Variants in GPM6B observed in about 807,000 individuals in gnomAD.
GPM6B encodes the protein neuronal membrane glycoprotein M6-b.
Under a neutral mutation model 27.2 loss-of-function variants are expected in GPM6B, and 4 were observed. The observed-to-expected ratio is 0.15, with a 90% CI of 0.07 to 0.34. The LOEUF is 0.34. Ranked by LOEUF, GPM6B falls within the 10% of genes least tolerant of loss-of-function variation. GPM6B has a pLI of 1.00. For missense variants in GPM6B, 183 were observed against 261.9 expected (o/e 0.70, Z 2.08); for synonymous variants, 124 against 103.1 (o/e 1.20, Z -1.23).
At chrX:13,856,709 T>TA (rs1374557193) in intron 1 of GPM6B, among the ~76,000 whole-genome samples, 61 of 106,009 alleles carry the variant, frequency 5.8e-4, no homozygotes, top group East Asian at 4.4e-3. Flanking sequence ...TTTTTATTAT[T>TA]TTTTTTTTTT....
At chrX:13,849,933 C>T (rs2049695465) in intron 1 of GPM6B, among the ~76,000 whole-genome samples, 2 of 110,944 alleles carry the variant, frequency 1.8e-5, no homozygotes, top group African/African-American at 6.6e-5. Context: ...GTGGCACGCA[C>T]CTGTAGTCCC....
At chrX:13,773,137 T>A (rs1272021409) in intron 7 of GPM6B, 107 bp from the exon 8 acceptor site, 1 of 633,787 alleles carries the variant, frequency 1.6e-6, no homozygotes, top group Non-Finnish European at 2.4e-6. Flanking sequence ...AGGTTAATTC[T>A]GTATTAATAA....
intron 1 of GPM6B, among the ~76,000 whole-genome samples, chrX:13,871,120 A>AAAC (rs1473736776): frequency 2.2e-4 from 24 of 109,966 alleles, no homozygotes; most frequent in Non-Finnish European, 4.0e-4. Context: ...AAAACAAAAA[A>AAAC]AAAAGAAGTT....
chrX:13,790,667 G>A (rs929127667), intron 2 of GPM6B, among the ~76,000 whole-genome samples: 2 of 112,106 alleles, frequency 1.8e-5, no homozygotes, highest in African/African-American at 6.5e-5. Flanking sequence ...TGAATCAAAT[G>A]GCAAGTTCCA....
intron 1 of GPM6B, among the ~76,000 whole-genome samples, chrX:13,932,283 C>A (rs1310189188): frequency 9.0e-6 from 1 of 111,662 alleles, no homozygotes; most frequent in East Asian, 2.8e-4. Flanking sequence ...CTCTCCCAGA[C>A]ACCTGGACAC....
At chrX:13,852,358 A>C (rs1040153759) in intron 1 of GPM6B, among the ~76,000 whole-genome samples, 3 of 111,602 alleles carry the variant, frequency 2.7e-5, no homozygotes, top group Admixed American at 9.5e-5. Context: ...CACCTCAAGC[A>C]GACTGCCTCC....
At chrX:13,834,175 T>C (rs1168421206) in intron 1 of GPM6B, among the ~76,000 whole-genome samples, 1 of 112,801 alleles carries the variant, frequency 8.9e-6, no homozygotes, top group African/African-American at 3.2e-5. Flanking sequence ...GTAATCAGGA[T>C]GGATAGGACT....
chrX:13,817,481 G>T, upstream of GPM6B: 1 of 256,255 alleles, frequency 3.9e-6, no homozygotes, highest in Non-Finnish European at 5.4e-6. Context: ...AATATATGTC[G>T]TCTCTAAGGA....
intron 1 of GPM6B, among the ~76,000 whole-genome samples, chrX:13,907,042 TTCTG>T (rs1382752727): frequency 2.7e-5 from 3 of 112,637 alleles, no homozygotes; most frequent in African/African-American, 9.7e-5. Context: ...CTTTTTCTGT[TTCTG>T]TGTCTCCTGG....
chrX:13,849,864 G>GC (rs1207198944), intron 1 of GPM6B, among the ~76,000 whole-genome samples: 4 of 110,255 alleles, frequency 3.6e-5, no homozygotes, highest in African/African-American at 1.3e-4. Flanking sequence ...TTCGATACCA[G>GC]CCTGGCCAAC....
intron 1 of GPM6B, among the ~76,000 whole-genome samples, chrX:13,830,411 T>G (rs779497151): frequency 3.7e-4 from 42 of 112,219 alleles, no homozygotes; most frequent in Non-Finnish European, 5.4e-4. Context: ...GCACTTAAAC[T>G]GAAAATAATC....
chrX:13,879,133 G>A (rs1303594440), intron 1 of GPM6B, among the ~76,000 whole-genome samples: 1 of 112,303 alleles, frequency 8.9e-6, no homozygotes, highest in Non-Finnish European at 1.9e-5. Context: ...CAGCCCCACA[G>A]TAGAACATCC....
At chrX:13,917,495 C>A (rs2050440740) in intron 1 of GPM6B, among the ~76,000 whole-genome samples, 1 of 111,969 alleles carries the variant, frequency 8.9e-6, no homozygotes, top group African/African-American at 3.2e-5. Flanking sequence ...GTAAGCGCAG[C>A]CTGCCATTTT....
intron 1 of GPM6B, among the ~76,000 whole-genome samples, chrX:13,901,782 T>C (rs1374502493): frequency 6.3e-5 from 7 of 111,513 alleles, no homozygotes; most frequent in Non-Finnish European, 1.3e-4. Context: ...CTCCTATTGA[T>C]CCCTACTCAA....
At chrX:13,894,894 A>T (rs753089540) in intron 1 of GPM6B, among the ~76,000 whole-genome samples, 1 of 110,932 alleles carries the variant, frequency 9.0e-6, no homozygotes, top group Non-Finnish European at 1.9e-5. Flanking sequence ...CCTCCCATAC[A>T]CTCCCCCTAT....
chrX:13,803,171 C>T (rs1451071244), intron 2 of GPM6B, among the ~76,000 whole-genome samples: 1 of 111,202 alleles, frequency 9.0e-6, no homozygotes, highest in Admixed American at 9.6e-5. Context: ...GAGAGAAGTC[C>T]CAGGCTCAGC....
chrX:13,820,309 G>T (rs1235155714), upstream of GPM6B, among the ~76,000 whole-genome samples: 1 of 111,065 alleles, frequency 9.0e-6, no homozygotes, highest in Non-Finnish European at 1.9e-5. Context: ...TGTATGAGTA[G>T]GGGTGGAGGA....
At chrX:13,865,542 C>CAAAAAAAAAAAAAAA (rs1171503867) in intron 1 of GPM6B, among the ~76,000 whole-genome samples, 10 of 14,626 alleles carry the variant, frequency 6.8e-4, no homozygotes, top group East Asian at 1.3e-3. Flanking sequence ...TCCATCTCTT[C>CAAAAAAAAAAAAAAA]AAAAAAAAAA....
Position 13,824,197 on chromosome X carries a change from G to T in GPM6B, c.-197-38389C>A, listed in dbSNP as rs185999160. On this transcript the variant is annotated intron_variant, in intron 1 of 6. Coordinates refer to the GPM6B transcript ENST00000398361. Reference sequence around the variant, plus strand: ...CCAGGAGCACCACCCCGGTTCTGATGACCTAAAATGTTTCTAAACACTGCC... The same window carrying T: ...CCAGGAGCACCACCCCGGTTCTGATTACCTAAAATGTTTCTAAACACTGCC... 3.1e-4 allele frequency among the ~76,000 whole-genome samples: 35 copies of T among 111,966 alleles called. No individual in the cohort carries two copies. The East Asian group carries it at 6.2e-3, about 20-fold the overall frequency.
Sources: gnomAD v4.1 joint callset for allele counts (sites outside exome capture counted in the v4.1 genomes callset) on GRCh38, gnomAD v4.1.1 for gene constraint, MANE v1.5 for transcripts, NCBI Gene and HGNC (gene_info 2026-07-23, HGNC 2026-07-21) for gene names.